CCDC13: variants seen among roughly 807,000 people sequenced by gnomAD.
CCDC13 encodes coiled-coil domain-containing protein 13.
CCDC13 carries 70 observed loss-of-function variants against 87.3 expected under a neutral mutation model. The ratio of observed to expected loss-of-function variants is 0.80; its 90% CI spans 0.66 to 0.98. The LOEUF (loss-of-function observed/expected upper bound fraction) is 0.98. CCDC13 is among the 50% of genes least tolerant of loss of function. CCDC13 has a pLI of 0.00. For synonymous variants in CCDC13, 317 were observed against 360.3 expected (o/e 0.88, Z 1.36); for missense variants, 842 against 892.0 (o/e 0.94, Z 0.71).
chr3:42,769,988 C>T (rs1024734743), intron 1 of CCDC13, among the ~76,000 whole-genome samples: 2 of 152,250 alleles, frequency 1.3e-5, no homozygotes, highest in Non-Finnish European at 1.5e-5. Context: ...GCCTCCCCAA[C>T]GAGCGCCACC....
rs1698897833 is a variant in CCDC13, at chr3:42,733,513, G to A, written c.1468C>T (p.Pro490Ser). ...CCAACATGATCGCCTGCTGAGGCCG[G>A]GGACTTGGTCAGGCCTGGGTCCTCC... ...FLEDPGLTKS[P>S]ASAGDHVGRL... The change falls in exon 11 of 16, where the codon CCG (proline) becomes TCG (serine). Residue 490 changes from proline to serine, a missense_variant. Coordinates refer to ENST00000310232, the MANE Select transcript of CCDC13 (RefSeq NM_144719.4). 1 of 1,613,964 alleles carries A rather than the reference G, an allele frequency of 6.2e-7. No homozygotes were observed. Among genetic ancestry groups the A allele is most frequent in the Non-Finnish European group, 8.5e-7 (1 of 1,180,018 alleles).
intron 13 of CCDC13, among the ~76,000 whole-genome samples, chr3:42,716,686 T>C (rs1698437975): frequency 6.6e-6 from 1 of 152,050 alleles, no homozygotes; most frequent in Non-Finnish European, 1.5e-5. Flanking sequence ...AAAAGGAAAA[T>C]AAGTGTTGGT....
intron 13 of CCDC13, among the ~76,000 whole-genome samples, chr3:42,723,997 A>C (rs116834560): frequency 0.021 from 3,248 of 152,316 alleles, 135 homozygotes; most frequent in African/African-American, 0.073. Flanking sequence ...TATAAGGTTA[A>C]TATAATTCAG....
At chr3:42,715,633 A>C (rs1559637014) in intron 13 of CCDC13, among the ~76,000 whole-genome samples, 1 of 152,206 alleles carries the variant, frequency 6.6e-6, no homozygotes, top group Non-Finnish European at 1.5e-5. Context: ...AAAAAAATAA[A>C]GTTTATGAAA....
At chr3:42,754,410 T>C (rs1699659937) in intron 3 of CCDC13, among the ~76,000 whole-genome samples, 1 of 152,122 alleles carries the variant, frequency 6.6e-6, no homozygotes, top group Non-Finnish European at 1.5e-5. Context: ...GATGGCACAC[T>C]TTGCTCCCTG....
chr3:42,715,784 G>C (rs1698417183), intron 13 of CCDC13, among the ~76,000 whole-genome samples: 1 of 152,166 alleles, frequency 6.6e-6, no homozygotes, highest in African/African-American at 2.4e-5. Flanking sequence ...GTTATCATGA[G>C]AGTGGGTTTC....
chr3:42,746,783 C>G (rs927719347), intron 6 of CCDC13: 1 of 209,132 alleles, frequency 4.8e-6, no homozygotes, highest in Admixed American at 5.3e-5. Context: ...TGTCCCAAGT[C>G]TGAGCATTTT....
intron 9 of CCDC13, among the ~76,000 whole-genome samples, chr3:42,736,285 C>G (rs544562027): frequency 6.6e-6 from 1 of 152,270 alleles, no homozygotes; most frequent in Non-Finnish European, 1.5e-5. Context: ...TACCTGGACC[C>G]CTGCCAGGGA....
intron 1 of CCDC13, 91 bp from the exon 2 acceptor site, chr3:42,758,442 G>T: frequency 7.9e-7 from 1 of 1,272,058 alleles, no homozygotes; most frequent in Non-Finnish European, 1.1e-6. Context: ...CAGCCTTGGA[G>T]TTTACTGCTT....
chr3:42,709,605 G>A, intron 15 of CCDC13, 79 bp downstream of exon 15: 2 of 1,141,254 alleles, frequency 1.8e-6, no homozygotes, highest in South Asian at 2.5e-5. Flanking sequence ...TGCAAGGGGA[G>A]GGACACAGTC....
rs115890288 is a variant in CCDC13 at position 42,739,409 on chromosome 3, G to A, written c.1164+225C>T. Among the ~76,000 whole-genome samples, 319 of 152,300 alleles carry A rather than the reference G, an allele frequency of 2.1e-3. 1 individual carries two copies. Among genetic ancestry groups the A allele is most frequent in the African/African-American group, 7.5e-3 (310 of 41,564 alleles). Reference sequence around the variant, plus strand: ...TCCATAGGCCCAGTGCCTTGTGCCTGGTGCTGCTCCATCACAGCCCCCTAC... The same window carrying A: ...TCCATAGGCCCAGTGCCTTGTGCCTAGTGCTGCTCCATCACAGCCCCCTAC... On this transcript the variant is annotated intron_variant, in intron 9 of 15. Transcript: ENST00000310232.
chr3:42,706,968 T>A lies in CCDC13; in HGVS notation c.*2012A>T, dbSNP rs2125864414. 6.6e-6 allele frequency among the ~76,000 whole-genome samples: 1 copy of A among 152,312 alleles called. No individual in the cohort carries two copies. The highest frequency in any genetic ancestry group is 1.5e-5 in the Non-Finnish European group (1 of 68,008). ...GGCAGCCCCACCTGTCCAGACTCCA[T>A]GACCTAATGCTCCTTCCTTTCTCAG... On this transcript the variant is annotated 3_prime_UTR_variant, in exon 16 of 16. Transcript: ENST00000310232.
At chr3:42,770,714 C>G (rs1419607557) in intron 1 of CCDC13, 3 of 152,818 alleles carry the variant, frequency 2.0e-5, no homozygotes, top group Admixed American at 1.3e-4. Flanking sequence ...AGCTGTAACA[C>G]TCACCGTGAA....
intron 13 of CCDC13, chr3:42,713,932 C>T (rs931963390): frequency 6.6e-6 from 1 of 152,188 alleles, no homozygotes; most frequent in African/African-American, 2.4e-5. Flanking sequence ...CTGACCTGGG[C>T]TCTTATCTGG....
chr3:42,709,183 C>T (rs371982704), intron 15 of CCDC13, 44 bp from the exon 16 acceptor site: 22 of 1,569,990 alleles, frequency 1.4e-5, no homozygotes, highest in Non-Finnish European at 1.9e-5. Context: ...GAGCTGCACA[C>T]AGGTGTGCGT....
At chr3:42,734,620 C>T (rs892837909) in intron 10 of CCDC13, among the ~76,000 whole-genome samples, 5 of 152,340 alleles carry the variant, frequency 3.3e-5, no homozygotes, top group Admixed American at 1.3e-4. Context: ...GAGGCAGGGC[C>T]GAGGGGCTCT....
intron 13 of CCDC13, among the ~76,000 whole-genome samples, chr3:42,720,488 C>T (rs1177075344): frequency 6.6e-6 from 1 of 152,160 alleles, no homozygotes; most frequent in Non-Finnish European, 1.5e-5. Context: ...CCCAAACTTA[C>T]CAAGGTTTTC....
At chr3:42,750,974 T>A (rs1575322261) in intron 5 of CCDC13, among the ~76,000 whole-genome samples, 1 of 152,002 alleles carries the variant, frequency 6.6e-6, no homozygotes, top group Admixed American at 6.6e-5. Context: ...GCCCCTCTTC[T>A]ACTTCCCCAG....
At chr3:42,733,820 G>A (rs1698909475) in intron 10 of CCDC13, among the ~76,000 whole-genome samples, 1 of 152,254 alleles carries the variant, frequency 6.6e-6, no homozygotes, top group African/African-American at 2.4e-5. Flanking sequence ...GCTACATGGT[G>A]TGAGGACGGT....
Sources: gnomAD v4.1 joint callset for allele counts (sites outside exome capture counted in the v4.1 genomes callset) on GRCh38, gnomAD v4.1.1 for gene constraint, MANE v1.5 for transcripts, NCBI Gene and HGNC (gene_info 2026-07-23, HGNC 2026-07-21) for gene names.